Variants in SNX29 observed in about 807,000 individuals in gnomAD.
The protein encoded by SNX29 is sorting nexin 29.
In SNX29, 78 loss-of-function variants were observed where a neutral mutation model predicts 102.1. The ratio of observed to expected loss-of-function variants is 0.76; its 90% confidence interval spans 0.64 to 0.92. The LOEUF is 0.92. Ranked by LOEUF, SNX29 falls within the 40% of genes least tolerant of loss-of-function variation. The probability of loss-of-function intolerance (pLI) is 0.00; values close to 1 mark genes in which losing one functional copy is unlikely to be tolerated. For synonymous variants in SNX29, 580 were observed against 414.5 expected (o/e 1.40, Z -4.85); for missense variants, 1,280 against 1,061.7 (o/e 1.21, Z -2.86).
intron 20 of SNX29, among the ~76,000 whole-genome samples, chr16:12,557,066 C>T (rs1406624277): frequency 1.4e-5 from 2 of 146,916 alleles, no homozygotes; most frequent in Non-Finnish European, 3.0e-5. Context: ...AGGCTGGCCT[C>T]AGAGTCTGCC....
At position 12,566,134 on chromosome 16, in the gene SNX29, C is replaced by T. The variant is rs1178314061; in HGVS notation, c.2319-2372C>T. Reference sequence around the variant, plus strand: ...TTTATTCTGTCCAAGGCTCAGAGGGCAGGCATTTGCCTACAGAAACACAGC... The same window carrying T: ...TTTATTCTGTCCAAGGCTCAGAGGGTAGGCATTTGCCTACAGAAACACAGC... On this transcript the variant is annotated intron_variant, in intron 20 of 20. Coordinates refer to ENST00000566228, the MANE Select transcript of SNX29 (RefSeq NM_032167.5). Among the ~76,000 whole-genome samples, 4 of 152,216 alleles carry T rather than the reference C, an allele frequency of 2.6e-5. No homozygotes were observed. The South Asian group carries it at 8.3e-4, about 32-fold the overall frequency.
At chr16:12,397,285 C>CT (rs990289299) in intron 16 of SNX29, among the ~76,000 whole-genome samples, 2 of 152,218 alleles carry the variant, frequency 1.3e-5, no homozygotes, top group African/African-American at 4.8e-5. Flanking sequence ...TTCAGTCTTT[C>CT]TTTTTTCACC....
chr16:12,419,563 C>CG (rs989212576), intron 18 of SNX29, among the ~76,000 whole-genome samples: 39 of 34,182 alleles, frequency 1.1e-3, no homozygotes, highest in African/African-American at 2.9e-3. Context: ...TCAGACTCAG[C>CG]CCCCCCCCCC....
chr16:12,244,572 T>C (rs1231900845), intron 14 of SNX29, among the ~76,000 whole-genome samples: 3 of 151,838 alleles, frequency 2.0e-5, no homozygotes, highest in Non-Finnish European at 2.9e-5. Context: ...ATCATGCCAT[T>C]GCACTCCAGC....
chr16:12,141,766 A>C (rs1026674840), intron 13 of SNX29, among the ~76,000 whole-genome samples: 8 of 152,204 alleles, frequency 5.3e-5, no homozygotes, highest in Admixed American at 5.2e-4. Flanking sequence ...ACCAGAGGTC[A>C]CTTTTATCAC....
Position 12,083,220 on chromosome 16 carries a change from C to T in SNX29, c.1402+4305C>T, listed in dbSNP as rs148647072. On this transcript the variant is annotated intron_variant, in intron 11 of 20. Transcript: ENST00000566228. ...ACTCGGGATGCAGAGGCAGGAGAATCGCTTGAACCTGGGAGGCAAAGGCTG... is the reference window on the plus strand; with the variant it reads ...ACTCGGGATGCAGAGGCAGGAGAATTGCTTGAACCTGGGAGGCAAAGGCTG... Among the ~76,000 whole-genome samples the T allele has an allele frequency of 2.3e-3, 347 of 151,536 alleles. 4 individuals carry two copies. In the East Asian group the frequency reaches 0.025, roughly 11 times the overall value.
intron 14 of SNX29, among the ~76,000 whole-genome samples, chr16:12,222,875 G>A (rs2077514489): frequency 6.6e-6 from 1 of 152,118 alleles, no homozygotes; most frequent in Admixed American, 6.6e-5. Flanking sequence ...AGCCTGCAGA[G>A]TGCTGTTTTC....
chr16:12,415,705 G>C (rs547915937), intron 18 of SNX29, among the ~76,000 whole-genome samples: 73 of 152,246 alleles, frequency 4.8e-4, no homozygotes, highest in African/African-American at 1.5e-3. Context: ...ACTTGGTCAG[G>C]CTGACAGGTA....
chr16:12,157,164 G>C (rs117323820), intron 13 of SNX29, among the ~76,000 whole-genome samples: 1 of 152,108 alleles, frequency 6.6e-6, no homozygotes, highest in African/African-American at 2.4e-5. Flanking sequence ...CAGTCGCCTC[G>C]GAAGGATGGG....
chr16:12,343,391 C>T (rs768273082), intron 15 of SNX29, among the ~76,000 whole-genome samples: 2 of 152,176 alleles, frequency 1.3e-5, no homozygotes, highest in Non-Finnish European at 2.9e-5. Context: ...GAGAAGCTGC[C>T]CCAGGCCCTG....
chr16:12,480,318 T>G (rs1038712878), intron 19 of SNX29, among the ~76,000 whole-genome samples: 4 of 152,164 alleles, frequency 2.6e-5, no homozygotes, highest in Non-Finnish European at 5.9e-5. Context: ...TTTTTCAGCT[T>G]CTCAAGGCCA....
intron 18 of SNX29, among the ~76,000 whole-genome samples, chr16:12,439,320 G>A (rs1055319714): frequency 2.6e-5 from 4 of 152,222 alleles, no homozygotes; most frequent in Non-Finnish European, 4.4e-5. Flanking sequence ...AGAGGCCAGC[G>A]GGGAGTAGTG....
chr16:12,563,057 G>A (rs2078820082), intron 20 of SNX29, among the ~76,000 whole-genome samples: 2 of 152,160 alleles, frequency 1.3e-5, no homozygotes, highest in Admixed American at 6.5e-5. Flanking sequence ...ACCTCGAAAT[G>A]TAGGTACTGG....
chr16:12,393,424 T>TCATGCATGCATGCATGCATGCATG (rs1336842673), intron 16 of SNX29, among the ~76,000 whole-genome samples: 1 of 145,530 alleles, frequency 6.9e-6, no homozygotes, highest in African/African-American at 2.4e-5. Context: ...ATTCATTCAT[T>TCATGCATGCATGCATGCATGCATG]CATTCATTCA....
At chr16:12,164,911 C>G (rs946458858) in intron 13 of SNX29, among the ~76,000 whole-genome samples, 6 of 152,150 alleles carry the variant, frequency 3.9e-5, no homozygotes, top group African/African-American at 1.4e-4. Flanking sequence ...TGGTCTTGAA[C>G]TCCTGACCTC....
rs755260559 is a variant in SNX29, at chr16:12,051,939, G to A, written c.841G>A (p.Val281Met). The A allele has an allele frequency of 3.2e-5, 52 of 1,613,768 alleles. No homozygotes were observed. The Middle Eastern group carries it at 5.0e-4, about 15-fold the overall frequency. Reference sequence around the variant, plus strand: ...GGAAGATGAGCAGAACTCTGGGGACGTGTTTAAAAAGACACCTGGGGCAGG... The same window carrying A: ...GGAAGATGAGCAGAACTCTGGGGACATGTTTAAAAAGACACCTGGGGCAGG... ...DEEDEQNSGD[V>M]FKKTPGAGES... is the part of the protein sequence containing the mutation. Residue 281 changes from valine to methionine, a missense_variant, in exon 8 of 21, where the codon GTG becomes ATG. Physicochemically the swap from Val to Met is conservative, Grantham distance 21. Coordinates refer to ENST00000566228, the MANE Select transcript of SNX29 (RefSeq NM_032167.5).
At chr16:12,539,181 C>T (rs1319289598) in intron 20 of SNX29, among the ~76,000 whole-genome samples, 2 of 152,182 alleles carry the variant, frequency 1.3e-5, no homozygotes, top group South Asian at 2.1e-4. Context: ...TGAATTTAAA[C>T]ACATGCATAG....
intron 13 of SNX29, among the ~76,000 whole-genome samples, chr16:12,196,367 C>T (rs1320045282): frequency 6.6e-6 from 1 of 150,974 alleles, no homozygotes; most frequent in Non-Finnish European, 1.5e-5. Flanking sequence ...GTCTGCCACA[C>T]CTCGAATATT....
intron 14 of SNX29, among the ~76,000 whole-genome samples, chr16:12,225,248 C>T (rs1431894806): frequency 1.3e-5 from 2 of 152,062 alleles, no homozygotes; most frequent in Non-Finnish European, 1.5e-5. Flanking sequence ...TTTTACTTGG[C>T]TCTAGGTGTA....
Sources: gnomAD v4.1 joint callset for allele counts (sites outside exome capture counted in the v4.1 genomes callset) on GRCh38, gnomAD v4.1.1 for gene constraint, MANE v1.5 for transcripts, NCBI Gene and HGNC (gene_info 2026-07-23, HGNC 2026-07-21) for gene names.